Variants in GRID1 observed in about 807,000 individuals in gnomAD.
The protein encoded by GRID1 is glutamate ionotropic receptor delta type subunit 1, also known as glutamate receptor ionotropic, delta-1.
GRID1 carries 28 observed loss-of-function variants against 98.0 expected under a neutral mutation model. The observed-to-expected ratio is 0.29, with a 90% CI of 0.21 to 0.39. The LOEUF is 0.39. Among genes scored for constraint, GRID1 ranks in the 10% least tolerant of loss-of-function variants. The pLI is 1.00. For missense variants in GRID1, 1,111 were observed against 1,340.5 expected (o/e 0.83, Z 2.67); for synonymous variants, 553 against 538.5 (o/e 1.03, Z -0.37).
chr10:85,838,391 A>G (rs1253980016), intron 8 of GRID1, among the ~76,000 whole-genome samples: 1 of 152,158 alleles, frequency 6.6e-6, no homozygotes, highest in South Asian at 2.1e-4. Flanking sequence ...TGAAAGAAAA[A>G]ATGTTAAAGG....
intron 4 of GRID1, among the ~76,000 whole-genome samples, chr10:86,012,971 C>T (rs540597688): frequency 8.5e-5 from 13 of 152,192 alleles, no homozygotes; most frequent in South Asian, 2.1e-4. Flanking sequence ...AATAATACCA[C>T]GATCTTTGGG....
Position 85,827,866 on chromosome 10 carries a change from C to T in GRID1, c.1233+26630G>A, listed in dbSNP as rs76966259. ...AGATCAACAGCCCACTTATAGTATT[C>T]GACAGATCGTCAAGGCAGAAAACTA... On this transcript the variant is annotated intron_variant, in intron 8 of 15. Transcript: ENST00000327946. Among the ~76,000 whole-genome samples, 775 of 152,142 alleles carry T rather than the reference C, an allele frequency of 5.1e-3. 9 individuals are homozygous for T. Among genetic ancestry groups the T allele is most frequent in the African/African-American group, 0.018 (732 of 41,508 alleles).
At chr10:85,611,064 G>C (rs1443639782) in intron 15 of GRID1, among the ~76,000 whole-genome samples, 1 of 152,164 alleles carries the variant, frequency 6.6e-6, no homozygotes, top group South Asian at 2.1e-4. Flanking sequence ...ATAAAAGGTA[G>C]GATGTTTTAC....
chr10:86,240,169 A>C (rs551936887), intron 2 of GRID1, among the ~76,000 whole-genome samples: 1 of 152,208 alleles, frequency 6.6e-6, no homozygotes, highest in African/African-American at 2.4e-5. Context: ...TTGTTATGGA[A>C]GCCCCAGGAA....
intron 3 of GRID1, among the ~76,000 whole-genome samples, chr10:86,153,418 TAACA>T (rs1242125204): frequency 6.6e-6 from 1 of 152,252 alleles, no homozygotes; most frequent in East Asian, 1.9e-4. Flanking sequence ...TAAATTATAT[TAACA>T]AACAAAATTG....
chr10:86,118,861 G>T lies in GRID1; in HGVS notation c.726+19958C>A, dbSNP rs114770942. On this transcript the variant is annotated intron_variant, in intron 4 of 15. Coordinates refer to ENST00000327946, the MANE Select transcript of GRID1 (RefSeq NM_017551.3). ...ACATTAGATAAATCCCAGTTGAGGG[G>T]AATTCTACAAAATACTTGACCAGCA... 2.6e-3 allele frequency among the ~76,000 whole-genome samples: 389 copies of T among 152,212 alleles called. 2 individuals are homozygous for T. Among genetic ancestry groups the T allele is most frequent in the African/African-American group, 9.2e-3 (381 of 41,532 alleles).
At chr10:86,344,799 G>A (rs541830351) in intron 2 of GRID1, among the ~76,000 whole-genome samples, 5 of 152,206 alleles carry the variant, frequency 3.3e-5, no homozygotes, top group African/African-American at 1.2e-4. Context: ...GGCTGCATAC[G>A]GGCATCCCTG....
At chr10:86,170,332 T>C (rs1312796629) in intron 3 of GRID1, among the ~76,000 whole-genome samples, 1 of 152,224 alleles carries the variant, frequency 6.6e-6, no homozygotes, top group East Asian at 1.9e-4. Flanking sequence ...GCCCACCATC[T>C]GTATGTCCTT....
chr10:85,921,530 T>C (rs1467424901), intron 4 of GRID1, among the ~76,000 whole-genome samples: 1 of 152,186 alleles, frequency 6.6e-6, no homozygotes, highest in Non-Finnish European at 1.5e-5. Flanking sequence ...GCCACCCTGA[T>C]CTCACGATTT....
At chr10:85,958,969 A>AAAAAG (rs1554842510) in intron 4 of GRID1, among the ~76,000 whole-genome samples, 7 of 151,060 alleles carry the variant, frequency 4.6e-5, no homozygotes, top group South Asian at 2.1e-4. Flanking sequence ...AAAAAAAAAA[A>AAAAAG]AAAGAAAGAA....
At chr10:85,681,300 A>G (rs973289100) in intron 12 of GRID1, among the ~76,000 whole-genome samples, 5 of 152,164 alleles carry the variant, frequency 3.3e-5, no homozygotes, top group African/African-American at 1.2e-4. Flanking sequence ...CACCTTTTTC[A>G]TGTCCAACAT....
At chr10:85,779,083 AC>A (rs1842359181) in intron 8 of GRID1, among the ~76,000 whole-genome samples, 1 of 152,232 alleles carries the variant, frequency 6.6e-6, no homozygotes, top group African/African-American at 2.4e-5. Flanking sequence ...GAAGTTAAAT[AC>A]TTTTATTTCT....
intron 8 of GRID1, among the ~76,000 whole-genome samples, chr10:85,746,707 G>A (rs1264375842): frequency 6.6e-6 from 1 of 152,148 alleles, no homozygotes. Flanking sequence ...TACCAGGCAT[G>A]CAAGTGAAGC....
chr10:86,007,301 A>AC (rs1336850158), intron 4 of GRID1, among the ~76,000 whole-genome samples: 3 of 151,882 alleles, frequency 2.0e-5, no homozygotes, highest in South Asian at 2.1e-4. Context: ...CTCTCCTCCC[A>AC]CCCCCCACTG....
intron 3 of GRID1, among the ~76,000 whole-genome samples, chr10:86,160,366 C>A (rs1470148314): frequency 3.9e-5 from 6 of 152,218 alleles, no homozygotes; most frequent in Non-Finnish European, 7.3e-5. Context: ...CTCCCAGCTG[C>A]CATGCCTCCT....
chr10:85,641,773 C>T (rs1237085795), intron 13 of GRID1, among the ~76,000 whole-genome samples: 1 of 152,196 alleles, frequency 6.6e-6, no homozygotes, highest in Non-Finnish European at 1.5e-5. Context: ...CCAGGCCAGA[C>T]CAGCAGTAAA....
At chr10:85,702,856 G>A (rs1391917507) in intron 12 of GRID1, among the ~76,000 whole-genome samples, 2 of 151,182 alleles carry the variant, frequency 1.3e-5, no homozygotes, top group Non-Finnish European at 3.0e-5. Flanking sequence ...TGGTAAGTGA[G>A]AAGAAAAAAG....
At chr10:85,972,151 C>T (rs1375247585) in intron 4 of GRID1, among the ~76,000 whole-genome samples, 1 of 148,702 alleles carries the variant, frequency 6.7e-6, no homozygotes, top group Non-Finnish European at 1.5e-5. Context: ...TTTTCCTGAC[C>T]ATTTTTCTTT....
chr10:85,843,517 A>G (rs1466310012), intron 8 of GRID1, among the ~76,000 whole-genome samples: 13 of 152,234 alleles, frequency 8.5e-5, no homozygotes, highest in Middle Eastern at 3.4e-3. Flanking sequence ...AATTGCAATA[A>G]AATGATTGCA....
Sources: allele counts gnomAD v4.1 joint callset (sites outside exome capture counted in the v4.1 genomes callset), GRCh38; gene constraint gnomAD v4.1.1; transcripts MANE v1.5; gene names NCBI Gene and HGNC (gene_info 2026-07-23, HGNC 2026-07-21).